CCDC13: variants seen among roughly 807,000 people sequenced by gnomAD.
CCDC13 encodes coiled-coil domain containing 13, also known as coiled-coil domain-containing protein 13.
Under a neutral mutation model 87.3 loss-of-function variants are expected in CCDC13, and 70 were observed. The ratio of observed to expected loss-of-function variants is 0.80; its 90% CI spans 0.66 to 0.98. The LOEUF is 0.98. Ranked by LOEUF, CCDC13 falls within the 50% of genes least tolerant of loss-of-function variation. The probability of loss-of-function intolerance (pLI) is 0.00; values close to 1 mark genes in which losing one functional copy is unlikely to be tolerated. For missense variants in CCDC13, 842 were observed against 892.0 expected, an observed-to-expected ratio of 0.94 and a Z score of 0.71; for synonymous variants, 317 against 360.3, an observed-to-expected ratio of 0.88 and a Z score of 1.36.
At chr3:42,740,125 C>T (rs1699167052) in intron 8 of CCDC13, among the ~76,000 whole-genome samples, 1 of 152,228 alleles carries the variant, frequency 6.6e-6, no homozygotes, top group Non-Finnish European at 1.5e-5. Context: ...GTGTGTCCTC[C>T]AGAGAGCACA....
intron 14 of CCDC13, among the ~76,000 whole-genome samples, chr3:42,711,680 T>C (rs908350471): frequency 2.0e-4 from 31 of 152,200 alleles, no homozygotes; most frequent in Non-Finnish European, 3.4e-4. Context: ...CTAGCTCCCC[T>C]ACTGGAGTGA....
chr3:42,755,562 G>A (rs751482346), intron 3 of CCDC13, among the ~76,000 whole-genome samples: 2 of 152,212 alleles, frequency 1.3e-5, no homozygotes, highest in Non-Finnish European at 2.9e-5. Context: ...AGCCAAGATC[G>A]TGCCACTGCA....
intron 14 of CCDC13, among the ~76,000 whole-genome samples, chr3:42,710,145 T>G (rs1265526310): frequency 6.6e-6 from 1 of 150,770 alleles, no homozygotes; most frequent in Non-Finnish European, 1.5e-5. Context: ...AGTCTTGCTC[T>G]GTCACCCAGA....
chr3:42,753,405 C>T (rs1029002362), intron 3 of CCDC13, among the ~76,000 whole-genome samples: 13 of 152,156 alleles, frequency 8.5e-5, no homozygotes, highest in Admixed American at 3.9e-4. Flanking sequence ...TTGGTGGTAA[C>T]GCCTACCCAA....
intron 13 of CCDC13, chr3:42,714,044 G>C (rs958701604): frequency 3.3e-5 from 5 of 152,192 alleles, no homozygotes; most frequent in African/African-American, 1.2e-4. Flanking sequence ...GCAGGCTGCT[G>C]GTCAATTTCA....
Position 42,745,957 on chromosome 3 carries a change from C to A in CCDC13, c.791G>T (p.Gly264Val), listed in dbSNP as rs769786833. 1 of 1,614,000 alleles carries A rather than the reference C, an allele frequency of 6.2e-7. No individual in the cohort carries two copies. The highest frequency in any genetic ancestry group is 1.3e-5 in the African/African-American group (1 of 74,922). ...CAAAACAAGAATTTGTTGAGCCCGACCCCTCCAGGTCCCTGGCGAAGATAG... is the reference window on the plus strand; with the variant it reads ...CAAAACAAGAATTTGTTGAGCCCGAACCCTCCAGGTCCCTGGCGAAGATAG... ...QLLSSPGTWR[G>V]RAQQILVLQS... The change falls in exon 7 of 16, where the codon GGT (glycine) becomes GTT (valine). Residue 264 changes from glycine to valine, a missense_variant. Physicochemically the swap from Gly to Val is moderately radical, Grantham distance 109. Coordinates refer to ENST00000310232, the MANE Select transcript of CCDC13 (RefSeq NM_144719.4).
chr3:42,757,658 C>T (rs1699734741), intron 2 of CCDC13, among the ~76,000 whole-genome samples: 1 of 152,108 alleles, frequency 6.6e-6, no homozygotes, highest in Non-Finnish European at 1.5e-5. Context: ...CTTGAGGCTG[C>T]AGTGAGCTAT....
At chr3:42,733,331 G>T in intron 11 of CCDC13, 139 bp downstream of exon 11, 1 of 1,055,760 alleles carries the variant, frequency 9.5e-7, no homozygotes, top group Non-Finnish European at 1.5e-6. Flanking sequence ...TCATAGGAGA[G>T]GCCCACGTAT....
At chr3:42,735,945 CA>C in intron 9 of CCDC13, 32 bp from the exon 10 acceptor site, 2 of 1,593,694 alleles carry the variant, frequency 1.3e-6, no homozygotes, top group Non-Finnish European at 1.7e-6. Context: ...CAGGTGGAGT[CA>C]GTCATGGCCC....
chr3:42,713,620 C>T (rs887697338), intron 13 of CCDC13, among the ~76,000 whole-genome samples: 1 of 152,160 alleles, frequency 6.6e-6, no homozygotes, highest in African/African-American at 2.4e-5. Flanking sequence ...TCTACAGATG[C>T]TTATGTTGCT....
At chr3:42,753,890 G>A (rs1380262936) in intron 3 of CCDC13, among the ~76,000 whole-genome samples, 1 of 152,208 alleles carries the variant, frequency 6.6e-6, no homozygotes, top group Admixed American at 6.5e-5. Context: ...GGAGGCTGTG[G>A]AAGGTGGCTG....
At chr3:42,762,708 G>T (rs1699859505) in intron 1 of CCDC13, among the ~76,000 whole-genome samples, 1 of 152,166 alleles carries the variant, frequency 6.6e-6, no homozygotes, top group Non-Finnish European at 1.5e-5. Flanking sequence ...TCTCTTTGCT[G>T]ATTTTGACCC....
At chr3:42,731,379 C>A (rs1284695300) in intron 12 of CCDC13, among the ~76,000 whole-genome samples, 1 of 151,910 alleles carries the variant, frequency 6.6e-6, no homozygotes, top group Non-Finnish European at 1.5e-5. Context: ...GCCCCAGTTC[C>A]CCCACTAAAC....
rs1183107641 is a variant in CCDC13, at chr3:42,758,152, G to A, written c.194C>T (p.Pro65Leu). Residue 65 changes from proline to leucine, a missense_variant, in exon 2 of 16, where the codon CCA (proline) becomes CTA (leucine). Transcript: ENST00000310232. Reference protein sequence around the residue: ...DGLSLLHAGEPNSKNSFEKRV... With the variant: ...DGLSLLHAGELNSKNSFEKRV... ...CTTCTCAAAGCTATTTTTCGAGTTT[G>A]GCTCCCCTGCGTGGAGAAGGCTGAG... 1.2e-6 allele frequency: 2 copies of A among 1,613,652 alleles called. No individual in the cohort carries two copies. Among genetic ancestry groups the A allele is most frequent in the South Asian group, 2.2e-5 (2 of 91,056 alleles).
intron 12 of CCDC13, among the ~76,000 whole-genome samples, chr3:42,731,813 T>C (rs761826949): frequency 2.0e-5 from 3 of 152,134 alleles, no homozygotes; most frequent in Non-Finnish European, 4.4e-5. Flanking sequence ...CTGTCACCTG[T>C]GGGAGGGGAC....
chr3:42,735,935 C>A, intron 9 of CCDC13, 22 bp from the exon 10 acceptor site: 1 of 1,602,330 alleles, frequency 6.2e-7, no homozygotes, highest in Admixed American at 1.7e-5. Context: ...GGCAGGAGGG[C>A]AGGTGGAGTC....
intron 1 of CCDC13, among the ~76,000 whole-genome samples, chr3:42,772,827 G>A (rs773597795): frequency 6.6e-6 from 1 of 152,208 alleles, no homozygotes; most frequent in Non-Finnish European, 1.5e-5. Flanking sequence ...CGGTGCGAGA[G>A]GGCCCAGTGG....
intron 1 of CCDC13, among the ~76,000 whole-genome samples, chr3:42,768,121 AC>A: frequency 6.6e-6 from 1 of 152,228 alleles, no homozygotes; most frequent in East Asian, 1.9e-4. Flanking sequence ...TGACAAAGAA[AC>A]AAAGGCAATG....
intron 1 of CCDC13, among the ~76,000 whole-genome samples, chr3:42,772,350 G>C (rs963813486): frequency 3.3e-5 from 5 of 151,728 alleles, no homozygotes; most frequent in Non-Finnish European, 7.4e-5. Context: ...CTTGGCTCAG[G>C]TAGGACTTAG....
Sources: gnomAD v4.1 joint callset for allele counts (sites outside exome capture counted in the v4.1 genomes callset) on GRCh38, gnomAD v4.1.1 for gene constraint, MANE v1.5 for transcripts, NCBI Gene and HGNC (gene_info 2026-07-23, HGNC 2026-07-21) for gene names.